Variants in POLN observed in about 807,000 individuals in gnomAD.
POLN encodes the protein DNA polymerase nu, also known as DNA polymerase N.
In POLN, 108 loss-of-function variants were observed where a neutral mutation model predicts 113.5. That is an observed-to-expected ratio of 0.95 (90% CI 0.81 to 1.12). The LOEUF is 1.12. Ranked by LOEUF, POLN falls within the 50% of genes most tolerant of loss-of-function variation. The pLI is 0.00. For missense variants in POLN, 1,097 were observed against 1,077.1 expected (o/e 1.02, Z -0.26); for synonymous variants, 386 against 391.5 (o/e 0.99, Z 0.17).
chr4:2,105,499 A>G (rs1296838080), intron 19 of POLN, among the ~76,000 whole-genome samples: 1 of 152,196 alleles, frequency 6.6e-6, no homozygotes, highest in South Asian at 2.1e-4. Context: ...GAATAAATCT[A>G]TAAGAAAAAA....
chr4:2,121,767 T>C (rs1039881101), intron 19 of POLN, among the ~76,000 whole-genome samples: 1 of 152,100 alleles, frequency 6.6e-6, no homozygotes, highest in Non-Finnish European at 1.5e-5. Context: ...TTTATCAATT[T>C]TGCTGATTTT....
intron 6 of POLN, among the ~76,000 whole-genome samples, chr4:2,197,972 G>A (rs570031456): frequency 2.6e-5 from 4 of 152,172 alleles, no homozygotes; most frequent in Non-Finnish European, 5.9e-5. Context: ...ATCCCAGAAA[G>A]GGCTTTTCAG....
intron 20 of POLN, among the ~76,000 whole-genome samples, chr4:2,087,907 A>C (rs1466122980): frequency 6.6e-6 from 1 of 151,984 alleles, no homozygotes; most frequent in Non-Finnish European, 1.5e-5. Flanking sequence ...ATCATAGCTC[A>C]CTGCAGCTTT....
intron 2 of POLN, among the ~76,000 whole-genome samples, chr4:2,237,729 C>T (rs1734817498): frequency 6.6e-6 from 1 of 151,938 alleles, no homozygotes. Context: ...AAATTGTAAA[C>T]CATGTAAAAT....
intron 20 of POLN, among the ~76,000 whole-genome samples, chr4:2,088,544 G>C (rs1730599148): frequency 6.6e-6 from 1 of 152,022 alleles, no homozygotes; most frequent in African/African-American, 2.4e-5. Flanking sequence ...ACTGAAAGAA[G>C]ACATAGTTTA....
chr4:2,117,549 G>T (rs1731346713), intron 19 of POLN, among the ~76,000 whole-genome samples: 1 of 152,118 alleles, frequency 6.6e-6, no homozygotes, highest in Admixed American at 6.5e-5. Context: ...GAACTAAGAA[G>T]GCAAGTCTGT....
chr4:2,146,448 T>C (rs570633803), intron 16 of POLN, among the ~76,000 whole-genome samples: 1 of 152,326 alleles, frequency 6.6e-6, no homozygotes, highest in South Asian at 2.1e-4. Flanking sequence ...GAGGTTGCAG[T>C]GAGCCAAGAT....
intron 20 of POLN, among the ~76,000 whole-genome samples, chr4:2,087,182 G>A (rs1730569981): frequency 6.6e-6 from 1 of 152,210 alleles, no homozygotes; most frequent in Non-Finnish European, 1.5e-5. Flanking sequence ...ACTGCCTGAT[G>A]AACTGGCACC....
chr4:2,210,476 G>A (rs922820698), intron 4 of POLN, among the ~76,000 whole-genome samples: 3 of 151,566 alleles, frequency 2.0e-5, no homozygotes, highest in African/African-American at 7.3e-5. Flanking sequence ...AGCTACTCAG[G>A]AGGCTGAGGT....
intron 16 of POLN, among the ~76,000 whole-genome samples, chr4:2,146,037 T>C (rs574572323): frequency 1.6e-5 from 1 of 62,588 alleles, no homozygotes; most frequent in South Asian, 6.9e-4. Context: ...ATATAAACTT[T>C]AAAATAGCAA....
chr4:2,175,301 A>G (rs1355253520), intron 9 of POLN, among the ~76,000 whole-genome samples: 3 of 152,238 alleles, frequency 2.0e-5, no homozygotes, highest in Non-Finnish European at 2.9e-5. Flanking sequence ...GATAGGTTCA[A>G]GTCAAACATT....
intron 16 of POLN, among the ~76,000 whole-genome samples, chr4:2,134,073 C>A (rs1424370826): frequency 6.6e-6 from 1 of 152,194 alleles, no homozygotes; most frequent in Non-Finnish European, 1.5e-5. Flanking sequence ...TACAGTTTTA[C>A]CTTTTCCAAA....
intron 3 of POLN, among the ~76,000 whole-genome samples, chr4:2,223,099 C>T (rs1368994885): frequency 1.3e-5 from 2 of 152,084 alleles, no homozygotes; most frequent in Non-Finnish European, 2.9e-5. Flanking sequence ...TGATACATTG[C>T]AAGAAATGCC....
intron 16 of POLN, among the ~76,000 whole-genome samples, chr4:2,142,818 G>GTT (rs909679546): frequency 6.6e-6 from 1 of 151,154 alleles, no homozygotes; most frequent in Non-Finnish European, 1.5e-5. Flanking sequence ...CGTGATTGTG[G>GTT]TTTTTTTTTA....
chr4:2,147,801 C>A (rs1732186358), intron 16 of POLN, among the ~76,000 whole-genome samples: 1 of 152,018 alleles, frequency 6.6e-6, no homozygotes, highest in African/African-American at 2.4e-5. Flanking sequence ...CACCACCATG[C>A]CCAGCTAATT....
chr4:2,125,737 G>A (rs1029587688), intron 19 of POLN, among the ~76,000 whole-genome samples: 5 of 152,172 alleles, frequency 3.3e-5, no homozygotes, highest in African/African-American at 7.2e-5. Context: ...TCCATCCTGC[G>A]ACCTTTCCTG....
Position 2,096,177 on chromosome 4 carries a change from G to C in POLN, c.1983-244C>G, listed in dbSNP as rs368637789. 1.4e-4 allele frequency among the ~76,000 whole-genome samples: 21 copies of C among 152,322 alleles called. No individual in the cohort carries two copies. In the South Asian group the frequency reaches 4.1e-3, roughly 30 times the overall value. ...AGCCAAGCACCACCCCACGTTCCCAGGTGTCCACAAATCAAAACCCAAAAC... is the reference window on the plus strand; with the variant it reads ...AGCCAAGCACCACCCCACGTTCCCACGTGTCCACAAATCAAAACCCAAAAC... On this transcript the variant is annotated intron_variant, in intron 19 of 25. Transcript: ENST00000511885.
intron 7 of POLN, among the ~76,000 whole-genome samples, chr4:2,190,928 G>C (rs200674440): frequency 6.6e-6 from 1 of 152,174 alleles, no homozygotes; most frequent in East Asian, 1.9e-4. Context: ...TGGTAGGAAA[G>C]TAAATTAGTA....
intron 3 of POLN, among the ~76,000 whole-genome samples, chr4:2,214,910 TAC>T (rs1402033215): frequency 7.9e-5 from 12 of 151,738 alleles, no homozygotes; most frequent in Non-Finnish European, 1.6e-4. Context: ...TATATGTATA[TAC>T]ATATACATAT....
Sources: allele counts gnomAD v4.1 joint callset (sites outside exome capture counted in the v4.1 genomes callset), GRCh38; gene constraint gnomAD v4.1.1; transcripts MANE v1.5; gene names NCBI Gene and HGNC (gene_info 2026-07-23, HGNC 2026-07-21).